APBA2: variants seen among roughly 807,000 people sequenced by gnomAD.
APBA2 encodes amyloid-beta A4 precursor protein-binding family A member 2.
APBA2 carries 30 observed loss-of-function variants against 75.0 expected under a neutral mutation model. The observed-to-expected ratio is 0.40, with a 90% CI of 0.30 to 0.54. The LOEUF (loss-of-function observed/expected upper bound fraction) is 0.54. APBA2 is among the 20% of genes least tolerant of loss of function. The pLI is 0.49. For synonymous variants in APBA2, 444 were observed against 409.6 expected (o/e 1.08, Z -1.01); for missense variants, 801 against 1,016.1 (o/e 0.79, Z 2.88).
At chr15:29,101,833 G>C in intron 10 of APBA2, 49 bp downstream of exon 10, 1 of 1,588,184 alleles carries the variant, frequency 6.3e-7, no homozygotes, top group Non-Finnish European at 8.6e-7. Context: ...TCACAGCCCA[G>C]GGCGGCTCCA....
At chr15:29,002,955 G>C (rs1255607745) in intron 3 of APBA2, among the ~76,000 whole-genome samples, 1 of 152,114 alleles carries the variant, frequency 6.6e-6, no homozygotes, top group Non-Finnish European at 1.5e-5. Flanking sequence ...GAAGACGGGC[G>C]TTCCAGGCAA....
intron 4 of APBA2, chr15:29,071,152 G>A (rs2042604322): frequency 2.4e-6 from 1 of 420,446 alleles, no homozygotes; most frequent in East Asian, 7.4e-5. Context: ...TGATTATATT[G>A]CTGTACTTTC....
chr15:28,965,060 A>G (rs1286700369), intron 2 of APBA2, among the ~76,000 whole-genome samples: 1 of 151,722 alleles, frequency 6.6e-6, no homozygotes, highest in Non-Finnish European at 1.5e-5. Context: ...TAAGGTCCCA[A>G]AGCTCTTTCC....
At position 29,105,411 on chromosome 15, in the gene APBA2, C is replaced by T. The variant is rs1360987504; in HGVS notation, c.1557C>T (p.Ala519=). 3 of 1,612,740 alleles carry T rather than the reference C, an allele frequency of 1.9e-6. No homozygotes were observed. Among genetic ancestry groups the T allele is most frequent in the Non-Finnish European group, 1.7e-6 (2 of 1,180,008 alleles). The change falls in exon 11 of 15, where the codon GCC becomes GCT. Residue 519 remains alanine (A), a synonymous_variant. Transcript: ENST00000683413. ...TCATCGCCCAGTCTATCGGCCAGGC[C>T]TTCAGCGTGGCCTACCAGGAGTTCC... ...AQLIAQSIGQ[A]FSVAYQEFLR... is the part of the protein sequence containing the mutation.
At chr15:28,919,881 G>A (rs1308346397) in intron 1 of APBA2, among the ~76,000 whole-genome samples, 1 of 152,176 alleles carries the variant, frequency 6.6e-6, no homozygotes, top group African/African-American at 2.4e-5. Context: ...ATGGCTGTGG[G>A]TGCTCCGTGT....
At chr15:28,925,540 T>A (rs773109896) in intron 2 of APBA2, among the ~76,000 whole-genome samples, 4 of 152,234 alleles carry the variant, frequency 2.6e-5, no homozygotes, top group Non-Finnish European at 5.9e-5. Context: ...AGAACATATT[T>A]TTATGATTTC....
chr15:28,959,807 C>T (rs1041951916), intron 2 of APBA2, among the ~76,000 whole-genome samples: 1 of 152,190 alleles, frequency 6.6e-6, no homozygotes, highest in Non-Finnish European at 1.5e-5. Context: ...GAAACTGACA[C>T]TCTACGGAAA....
intron 3 of APBA2, among the ~76,000 whole-genome samples, chr15:29,034,093 A>G (rs1365461653): frequency 6.6e-6 from 1 of 152,138 alleles, no homozygotes; most frequent in East Asian, 1.9e-4. Context: ...GACAGTAATC[A>G]AAGAGTATTG....
chr15:29,031,776 A>C (rs1312400451), intron 3 of APBA2, among the ~76,000 whole-genome samples: 2 of 152,154 alleles, frequency 1.3e-5, no homozygotes, highest in East Asian at 3.9e-4. Context: ...GGTGCATTTT[A>C]CAATCCACTT....
At chr15:29,066,416 AC>A (rs1459553544) in intron 4 of APBA2, among the ~76,000 whole-genome samples, 1 of 152,196 alleles carries the variant, frequency 6.6e-6, no homozygotes, top group Non-Finnish European at 1.5e-5. Flanking sequence ...ATATGGACAA[AC>A]CTTGAAGACG....
At chr15:28,941,952 G>A (rs1240436400) in intron 2 of APBA2, among the ~76,000 whole-genome samples, 1 of 152,102 alleles carries the variant, frequency 6.6e-6, no homozygotes, top group South Asian at 2.1e-4. Flanking sequence ...GTAGAGACAC[G>A]GTTTGACCGT....
intron 2 of APBA2, among the ~76,000 whole-genome samples, chr15:28,956,466 C>T (rs868488051): frequency 1.3e-5 from 2 of 152,164 alleles, no homozygotes; most frequent in Middle Eastern, 6.3e-3. Flanking sequence ...TGGAGGCTTT[C>T]AGTCCCACGT....
intron 2 of APBA2, among the ~76,000 whole-genome samples, chr15:28,924,858 C>T (rs1422817124): frequency 2.6e-5 from 4 of 152,108 alleles, no homozygotes; most frequent in African/African-American, 7.2e-5. Context: ...ACAGCTGCAC[C>T]GTTTTACATT....
At chr15:28,940,718 C>T (rs2035171406) in intron 2 of APBA2, among the ~76,000 whole-genome samples, 1 of 152,108 alleles carries the variant, frequency 6.6e-6, no homozygotes, top group South Asian at 2.1e-4. Context: ...TCTTGAAATT[C>T]AGTTTTCTGC....
In APBA2 at chr15:29,088,337, C is replaced by T. The variant is rs545182005; in HGVS notation, c.1070-4738C>T. 3.3e-5 allele frequency among the ~76,000 whole-genome samples: 5 copies of T among 152,252 alleles called. No homozygotes were observed. The East Asian group carries it at 5.8e-4, about 18-fold the overall frequency. On this transcript the variant is annotated intron_variant, in intron 6 of 14. Transcript: ENST00000683413. ...CTTGGCACCTGCAGATGGTTCATTC[C>T]CAAATCTGTTTTTCTAACCGGGACT... is the stretch of plus-strand genomic sequence containing the variant.
chr15:29,094,319 T>TAGGG lies in APBA2; in HGVS notation c.1251+7_1251+10dup, dbSNP rs1343398714. 2 of 1,614,016 alleles carry TAGGG rather than the reference T, an allele frequency of 1.2e-6. No individual in the cohort carries two copies. Among genetic ancestry groups the TAGGG allele is most frequent in the Non-Finnish European group, 1.7e-6 (2 of 1,179,926 alleles). ...CTAAGATCAAGAAAAAAGCGGTGTGTAGGGCCTTGAGGCCCTGGGACAGTG... is the reference window on the plus strand; with the variant it reads ...CTAAGATCAAGAAAAAAGCGGTGTGTAGGGAGGGCCTTGAGGCCCTGGGACAGTG... On this transcript the variant is annotated splice_region_variant and intron_variant, in intron 8 of 14. Coordinates refer to ENST00000683413, the MANE Select transcript of APBA2 (RefSeq NM_001353788.2).
At chr15:29,028,105 T>C (rs1184814898) in intron 3 of APBA2, among the ~76,000 whole-genome samples, 1 of 151,910 alleles carries the variant, frequency 6.6e-6, no homozygotes, top group Admixed American at 6.6e-5. Context: ...ATCACCGAGG[T>C]ATTAAGCCCC....
chr15:28,974,300 T>C (rs944511676), intron 2 of APBA2, among the ~76,000 whole-genome samples: 1 of 152,256 alleles, frequency 6.6e-6, no homozygotes, highest in African/African-American at 2.4e-5. Context: ...GGTGTGGTTA[T>C]GTCTGCTTCA....
intron 1 of APBA2, among the ~76,000 whole-genome samples, chr15:28,901,908 A>ATGCGTGTGTGTGTGTGTGTG (rs2032880416): frequency 3.0e-5 from 2 of 67,378 alleles, no homozygotes; most frequent in African/African-American, 1.3e-4. Context: ...GGAGCTTTTG[A>ATGCGTGTGTGTGTGTGTGTG]TGTGTGTGTG....
Sources: allele counts gnomAD v4.1 joint callset (sites outside exome capture counted in the v4.1 genomes callset), GRCh38; gene constraint gnomAD v4.1.1; transcripts MANE v1.5; gene names NCBI Gene and HGNC (gene_info 2026-07-23, HGNC 2026-07-21).